CUEDC1: variants seen among roughly 807,000 people sequenced by gnomAD.
The protein encoded by CUEDC1 is CUE domain-containing protein 1.
CUEDC1 carries 30 observed loss-of-function variants against 43.7 expected under a neutral mutation model. The observed-to-expected ratio is 0.69, with a 90% CI of 0.51 to 0.93. The LOEUF (loss-of-function observed/expected upper bound fraction) is 0.93. Among genes scored for constraint, CUEDC1 ranks in the 40% least tolerant of loss-of-function variants. The pLI, the probability that CUEDC1 is intolerant of heterozygous loss-of-function variation, is 0.00. For missense variants in CUEDC1, 486 were observed against 549.0 expected, an observed-to-expected ratio of 0.89 and a Z score of 1.15; for synonymous variants, 223 against 223.6, an observed-to-expected ratio of 1.00 and a Z score of 0.02.
intron 1 of CUEDC1, among the ~76,000 whole-genome samples, chr17:57,926,690 G>A (rs1039334046): frequency 6.6e-6 from 1 of 152,212 alleles, no homozygotes; most frequent in Non-Finnish European, 1.5e-5. Flanking sequence ...AATGGAAAGT[G>A]TGGTTAAGAT....
chr17:57,876,927 G>A (rs1467837177), intron 3 of CUEDC1, among the ~76,000 whole-genome samples: 1 of 152,214 alleles, frequency 6.6e-6, no homozygotes, highest in Non-Finnish European at 1.5e-5. Flanking sequence ...CAGTGCTAAG[G>A]TGGAAATTAC....
chr17:57,910,981 C>T (rs972904276), intron 1 of CUEDC1, among the ~76,000 whole-genome samples: 3 of 152,188 alleles, frequency 2.0e-5, no homozygotes, highest in Non-Finnish European at 4.4e-5. Context: ...CTCTTGCCGT[C>T]TCCCTCCCAT....
intron 5 of CUEDC1, 96 bp from the exon 6 acceptor site, chr17:57,871,465 C>A: frequency 1.0e-6 from 1 of 971,724 alleles, no homozygotes; most frequent in South Asian, 1.3e-5. Flanking sequence ...GAGGCTAAGT[C>A]CCCAGAATCA....
At chr17:57,925,183 C>A (rs1346452665) in intron 1 of CUEDC1, among the ~76,000 whole-genome samples, 1 of 150,314 alleles carries the variant, frequency 6.7e-6, no homozygotes, top group Non-Finnish European at 1.5e-5. Context: ...CTGAAATTAT[C>A]AGAATGATCA....
chr17:57,900,892 G>A (rs2074464299), intron 1 of CUEDC1, among the ~76,000 whole-genome samples: 1 of 152,232 alleles, frequency 6.6e-6, no homozygotes, highest in African/African-American at 2.4e-5. Context: ...AGTCTAAGAA[G>A]TCAAATGTTC....
chr17:57,872,060 C>T (rs2074041752), intron 5 of CUEDC1, among the ~76,000 whole-genome samples: 2 of 152,240 alleles, frequency 1.3e-5, no homozygotes, highest in Admixed American at 1.3e-4. Flanking sequence ...ATCAGTTACA[C>T]ACACAAGCTC....
intron 1 of CUEDC1, among the ~76,000 whole-genome samples, chr17:57,933,744 C>A (rs1950689397): frequency 6.6e-6 from 1 of 152,170 alleles, no homozygotes; most frequent in South Asian, 2.1e-4. Context: ...TCTAGTCTAC[C>A]AGATCGGATG....
chr17:57,890,724 G>A (rs79635792), intron 1 of CUEDC1, among the ~76,000 whole-genome samples: 2,309 of 152,302 alleles, frequency 0.015, 17 homozygotes, highest in Non-Finnish European at 0.023. Context: ...CTTGGCCCAC[G>A]GAGGTGGGCA....
chr17:57,892,737 G>T (rs947102452), intron 1 of CUEDC1: 10 of 148,886 alleles, frequency 6.7e-5, no homozygotes, highest in African/African-American at 2.5e-4. Context: ...CCAAGAATGT[G>T]CCCCACCCCC....
rs978992623 is a variant in CUEDC1 at position 57,951,633 on chromosome 17, T to C, written c.-316+3592A>G. ...ACCACCATGCCCGGCTAATTTTTTG[T>C]ATTTTTAGTAGAGATAGGTTTCACC... On this transcript the variant is annotated intron_variant, in intron 1 of 10. Coordinates refer to ENST00000577830, the MANE Select transcript of CUEDC1 (RefSeq NM_001271875.2). 3.3e-5 allele frequency among the ~76,000 whole-genome samples: 5 copies of C among 152,094 alleles called. 1 individual carries two copies. Among genetic ancestry groups the C allele is most frequent in the Admixed American group, 2.0e-4 (3 of 15,266 alleles).
chr17:57,947,743 G>A (rs1358854814), intron 1 of CUEDC1, among the ~76,000 whole-genome samples: 1 of 152,128 alleles, frequency 6.6e-6, no homozygotes, highest in African/African-American at 2.4e-5. Context: ...AGAGGTTGCA[G>A]TGAGCTGAGA....
rs141208725 is a variant in CUEDC1 at position 57,904,400 on chromosome 17, A to C, written c.-315-18521T>G. On this transcript the variant is annotated intron_variant, in intron 1 of 10. Transcript: ENST00000577830. ...TGGGAAAGGCTGAATTCTGGAGAAG[A>C]GGGATGAAGGTTGGGGAGGTGGGAG... Among the ~76,000 whole-genome samples the C allele has an allele frequency of 3.6e-3, 536 of 149,540 alleles. 2 individuals are homozygous for C. The highest frequency in any genetic ancestry group is 6.8e-3 in the Middle Eastern group (2 of 294).
chr17:57,886,322 C>T (rs1297016010), intron 1 of CUEDC1, among the ~76,000 whole-genome samples: 1 of 152,198 alleles, frequency 6.6e-6, no homozygotes, highest in Non-Finnish European at 1.5e-5. Context: ...AGGAGGGGCT[C>T]TTTAAAGATG....
intron 8 of CUEDC1, chr17:57,867,773 C>T (rs545228100): frequency 1.2e-4 from 58 of 482,516 alleles, no homozygotes; most frequent in Non-Finnish European, 1.9e-4. Flanking sequence ...GGCCAACATG[C>T]TTGGAGTGAG....
At chr17:57,866,908 G>T in intron 9 of CUEDC1, 1 of 350,830 alleles carries the variant, frequency 2.9e-6, no homozygotes, top group South Asian at 3.4e-5. Context: ...GAGGATCAGG[G>T]TTCAGCTGCG....
chr17:57,900,217 C>T (rs1026409400), intron 1 of CUEDC1, among the ~76,000 whole-genome samples: 4 of 152,148 alleles, frequency 2.6e-5, no homozygotes, highest in Non-Finnish European at 4.4e-5. Context: ...TCCCGAGGGC[C>T]TCAATCTCTA....
In CUEDC1 at chr17:57,906,214, T is replaced by C. The variant is rs565085690; in HGVS notation, c.-315-20335A>G. On this transcript the variant is annotated intron_variant, in intron 1 of 10. Transcript: ENST00000577830. Reference sequence around the variant, plus strand: ...TGGAAACAATCCAAGTGTCCATCAATAGATAAATGGATAAACAAAATGTAC... The same window carrying C: ...TGGAAACAATCCAAGTGTCCATCAACAGATAAATGGATAAACAAAATGTAC... Among the ~76,000 whole-genome samples the C allele has an allele frequency of 2.3e-4, 35 of 152,280 alleles. 1 individual carries two copies. In the South Asian group the frequency reaches 3.5e-3, roughly 15 times the overall value.
At chr17:57,920,842 G>T (rs2143107983) in intron 1 of CUEDC1, among the ~76,000 whole-genome samples, 1 of 152,116 alleles carries the variant, frequency 6.6e-6, no homozygotes, top group African/African-American at 2.4e-5. Context: ...TCGCCATGTT[G>T]GCCAGGCCAG....
At chr17:57,879,083 C>T (rs1385835162) in intron 3 of CUEDC1, among the ~76,000 whole-genome samples, 2 of 152,252 alleles carry the variant, frequency 1.3e-5, no homozygotes, top group African/African-American at 4.8e-5. Flanking sequence ...AAGAGACTTG[C>T]TCTCATTGCT....
Sources: gnomAD v4.1 joint callset for allele counts (sites outside exome capture counted in the v4.1 genomes callset) on GRCh38, gnomAD v4.1.1 for gene constraint, MANE v1.5 for transcripts, NCBI Gene and HGNC (gene_info 2026-07-23, HGNC 2026-07-21) for gene names.